Variants in RAPGEF5 observed in about 807,000 individuals in gnomAD.
RAPGEF5 encodes M-Ras-regulated GEF.
RAPGEF5 carries 65 observed loss-of-function variants against 125.2 expected under a neutral mutation model. The observed-to-expected ratio is 0.52, with a 90% CI of 0.43 to 0.64. The LOEUF is 0.64. Among genes scored for constraint, RAPGEF5 ranks in the 30% least tolerant of loss-of-function variants. The probability of loss-of-function intolerance (pLI) is 0.00; values close to 1 mark genes in which losing one functional copy is unlikely to be tolerated. For synonymous variants in RAPGEF5, 391 were observed against 385.9 expected (o/e 1.01, Z -0.16); for missense variants, 958 against 1,048.1 (o/e 0.91, Z 1.19).
chr7:22,167,733 C>T (rs1784215930), intron 11 of RAPGEF5, among the ~76,000 whole-genome samples: 1 of 152,144 alleles, frequency 6.6e-6, no homozygotes, highest in Non-Finnish European at 1.5e-5. Context: ...GAACTGAGTC[C>T]AGTTAAAATT....
chr7:22,347,350 G>A (rs1006119466), intron 1 of RAPGEF5, among the ~76,000 whole-genome samples: 3 of 152,010 alleles, frequency 2.0e-5, no homozygotes, highest in African/African-American at 7.3e-5. Flanking sequence ...CCATGTTAAA[G>A]CTGTGATTTA....
chr7:22,237,762 G>A (rs780242255), intron 7 of RAPGEF5, among the ~76,000 whole-genome samples: 1 of 152,162 alleles, frequency 6.6e-6, no homozygotes, highest in Non-Finnish European at 1.5e-5. Flanking sequence ...TGAGCAGCAG[G>A]ACCTAGATTA....
intron 9 of RAPGEF5, among the ~76,000 whole-genome samples, chr7:22,213,988 T>C (rs1421387956): frequency 6.6e-6 from 1 of 152,244 alleles, no homozygotes; most frequent in Non-Finnish European, 1.5e-5. Flanking sequence ...AGAGACAAAA[T>C]GAAATTTGGG....
chr7:22,209,516 C>A (rs972328768), intron 9 of RAPGEF5, among the ~76,000 whole-genome samples: 48 of 151,892 alleles, frequency 3.2e-4, no homozygotes, highest in African/African-American at 1.2e-3. Flanking sequence ...AACTATCCTT[C>A]CCCCCCACCA....
chr7:22,265,076 G>T (rs527460626), intron 7 of RAPGEF5, among the ~76,000 whole-genome samples: 5 of 152,242 alleles, frequency 3.3e-5, no homozygotes, highest in African/African-American at 9.6e-5. Flanking sequence ...AATCAGGGTA[G>T]TTGGGATATC....
At chr7:22,256,045 A>C (rs1583522539) in intron 7 of RAPGEF5, among the ~76,000 whole-genome samples, 1 of 151,796 alleles carries the variant, frequency 6.6e-6, no homozygotes, top group Non-Finnish European at 1.5e-5. Flanking sequence ...TGATCACATT[A>C]CTCTTGCCTG....
chr7:22,145,001 CAAG>C (rs1451810044), intron 20 of RAPGEF5, 40 bp downstream of exon 20: 22 of 1,587,342 alleles, frequency 1.4e-5, no homozygotes, highest in Non-Finnish European at 1.9e-5. Context: ...TGTACTCTCT[CAAG>C]AAGACTAGAG....
At chr7:22,239,347 G>A (rs1786266252) in intron 7 of RAPGEF5, among the ~76,000 whole-genome samples, 1 of 152,140 alleles carries the variant, frequency 6.6e-6, no homozygotes, top group African/African-American at 2.4e-5. Context: ...TGAAAGAAAT[G>A]TATTATTTTT....
At position 22,309,334 on chromosome 7, in the gene RAPGEF5, C is replaced by T. The variant is rs1015510162; in HGVS notation, c.511+635G>A. ...TTTCACAACAGGACCAGGGGTATGC[C>T]CTTGATATTTATTACCTATAGGAAA... On this transcript the variant is annotated intron_variant, in intron 4 of 25. Coordinates refer to ENST00000665637, the MANE Select transcript of RAPGEF5 (RefSeq NM_012294.5). Among the ~76,000 whole-genome samples the T allele has an allele frequency of 3.9e-5, 6 of 152,280 alleles. No individual in the cohort carries two copies. In the East Asian group the frequency reaches 7.7e-4, roughly 20 times the overall value.
intron 8 of RAPGEF5, among the ~76,000 whole-genome samples, chr7:22,230,457 G>A (rs768142496): frequency 1.4e-4 from 22 of 152,202 alleles, no homozygotes; most frequent in South Asian, 4.1e-4. Flanking sequence ...ATAGTATTTG[G>A]AGGTATGCTA....
chr7:22,186,227 T>C (rs753672087), intron 11 of RAPGEF5, among the ~76,000 whole-genome samples: 9 of 152,194 alleles, frequency 5.9e-5, no homozygotes, highest in Non-Finnish European at 1.2e-4. Flanking sequence ...TATCAAACAT[T>C]TCCACAAATG....
At chr7:22,334,884 G>C (rs372709554) in intron 1 of RAPGEF5, among the ~76,000 whole-genome samples, 6 of 152,140 alleles carry the variant, frequency 3.9e-5, no homozygotes, top group African/African-American at 1.4e-4. Context: ...CTTGGTTCCT[G>C]CTCCATTTGA....
At chr7:22,332,547 C>T (rs1335360816) in intron 1 of RAPGEF5, among the ~76,000 whole-genome samples, 2 of 152,238 alleles carry the variant, frequency 1.3e-5, no homozygotes, top group Non-Finnish European at 2.9e-5. Context: ...CCTCCACTCT[C>T]ACCCACATTT....
chr7:22,225,904 G>A (rs1185132638), intron 8 of RAPGEF5, among the ~76,000 whole-genome samples: 2 of 152,182 alleles, frequency 1.3e-5, no homozygotes, highest in Admixed American at 6.6e-5. Flanking sequence ...GGAGAGAAAT[G>A]TTATGAATGT....
At chr7:22,255,311 G>T (rs1315582498) in intron 7 of RAPGEF5, among the ~76,000 whole-genome samples, 1 of 152,110 alleles carries the variant, frequency 6.6e-6, no homozygotes, top group African/African-American at 2.4e-5. Flanking sequence ...TAAGCTAGCT[G>T]GGCACCATGG....
In RAPGEF5 at chr7:22,193,995, T is replaced by C. The variant is rs1462318611; in HGVS notation, c.1035A>G (p.Gln345=). The C allele has an allele frequency of 6.2e-7, 1 of 1,613,852 alleles. No homozygotes were observed. Among genetic ancestry groups the C allele is most frequent in the Non-Finnish European group, 8.5e-7 (1 of 1,179,868 alleles). Residue 345 remains glutamine, a synonymous_variant, in exon 10 of 26, where the codon CAA becomes CAG. Coordinates refer to ENST00000665637, the MANE Select transcript of RAPGEF5 (RefSeq NM_012294.5). ...DEVTTVQVKE[Q]DQSVLVLKKV... ...TCTTCAGCACCAGGACGCTCTGGTC[T>C]TGCTCTTTAACCTGAACAGTCGTCA...
At chr7:22,193,609 G>T (rs1454060661) in intron 10 of RAPGEF5, 154 bp from the exon 11 acceptor site, 1 of 1,550,920 alleles carries the variant, frequency 6.4e-7, no homozygotes, top group Admixed American at 2.0e-5. Flanking sequence ...CGCCGCGGCG[G>T]AATCTTTCCT....
chr7:22,119,235 A>C lies in RAPGEF5; in HGVS notation c.*3171T>G, dbSNP rs1782505315. 1 of 152,194 alleles carries C rather than the reference A, an allele frequency of 6.6e-6. No individual in the cohort carries two copies. Among genetic ancestry groups the C allele is most frequent in the Non-Finnish European group, 1.5e-5 (1 of 68,064 alleles). The allele number at this position is 152,194 out of a possible 1,614,324, so 9.4% of individuals were successfully genotyped here. A position where few individuals can be genotyped will look rare whatever the true frequency, so the allele number is the denominator to read the frequency against. ...ACGATTTCTCCTCCACTCAGAGGCAAGTATATATTCATGCAGCATCCTCTC... is the reference window on the plus strand; with the variant it reads ...ACGATTTCTCCTCCACTCAGAGGCACGTATATATTCATGCAGCATCCTCTC... On this transcript the variant is annotated 3_prime_UTR_variant, in exon 26 of 26. Coordinates refer to ENST00000665637, the MANE Select transcript of RAPGEF5 (RefSeq NM_012294.5). This position sits in a 1 kb window ranked among gnomAD's most constrained non-coding sequence, Gnocchi z 4.1.
intron 7 of RAPGEF5, among the ~76,000 whole-genome samples, chr7:22,244,939 A>G (rs1583512597): frequency 6.6e-6 from 1 of 152,362 alleles, no homozygotes; most frequent in African/African-American, 2.4e-5. Context: ...CATTTCCACC[A>G]GCAAAGTACA....
Sources: allele counts gnomAD v4.1 joint callset (sites outside exome capture counted in the v4.1 genomes callset), GRCh38; gene constraint gnomAD v4.1.1; non-coding constraint Gnocchi (gnomAD v3.1); transcripts MANE v1.5; gene names NCBI Gene and HGNC (gene_info 2026-07-23, HGNC 2026-07-21).